The following GSK3B variants were observed in gnomAD, a reference collection of about 807,000 sequenced individuals.
GSK3B encodes glycogen synthase kinase-3 beta.
A neutral mutation model predicts 56.4 loss-of-function variants in GSK3B; 15 were observed. The ratio of observed to expected loss-of-function variants is 0.27; its 90% CI spans 0.18 to 0.41. The LOEUF (loss-of-function observed/expected upper bound fraction) is 0.41. Among genes scored for constraint, GSK3B ranks in the 10% least tolerant of loss-of-function variants. The pLI is 1.00. For missense variants in GSK3B, 300 were observed against 513.4 expected, an observed-to-expected ratio of 0.58 and a Z score of 4.02; for synonymous variants, 181 against 188.9, an observed-to-expected ratio of 0.96 and a Z score of 0.34.
At chr3:119,902,747 GCT>G (rs1247351265) in intron 7 of GSK3B, among the ~76,000 whole-genome samples, 2 of 151,802 alleles carry the variant, frequency 1.3e-5, no homozygotes, top group Non-Finnish European at 2.9e-5. Context: ...ACACAGTCTC[GCT>G]CTGTCACACA....
intron 1 of GSK3B, among the ~76,000 whole-genome samples, chr3:120,058,178 T>C (rs1359060781): frequency 1.3e-5 from 2 of 152,126 alleles, no homozygotes; most frequent in African/African-American, 2.4e-5. Context: ...TAACATTATC[T>C]ACAGACAAAG....
At chr3:120,027,453 T>A (rs964446029) in intron 1 of GSK3B, among the ~76,000 whole-genome samples, 1 of 151,308 alleles carries the variant, frequency 6.6e-6, no homozygotes, top group Non-Finnish European at 1.5e-5. Context: ...TCTAGGAATA[T>A]GGCAAAAGAA....
intron 2 of GSK3B, among the ~76,000 whole-genome samples, chr3:119,996,112 T>C (rs911676350): frequency 4.6e-5 from 7 of 152,252 alleles, no homozygotes; most frequent in African/African-American, 1.7e-4. Flanking sequence ...ATTTTTAAAC[T>C]ACAAAATGCT....
chr3:119,829,628 T>C (rs2055567888), intron 10 of GSK3B, among the ~76,000 whole-genome samples: 1 of 152,270 alleles, frequency 6.6e-6, no homozygotes, highest in South Asian at 2.1e-4. Context: ...TTGGCATTAA[T>C]GTGCAGATGT....
At chr3:119,856,756 A>G (rs748262932) in intron 9 of GSK3B, among the ~76,000 whole-genome samples, 8 of 152,056 alleles carry the variant, frequency 5.3e-5, no homozygotes, top group Non-Finnish European at 1.0e-4. Flanking sequence ...TCTGACATCA[A>G]TTCTATTGAT....
intron 2 of GSK3B, among the ~76,000 whole-genome samples, chr3:119,967,389 T>TA (rs1408674724): frequency 1.3e-4 from 20 of 152,154 alleles, no homozygotes; most frequent in African/African-American, 4.1e-4. Flanking sequence ...TATCTTTTTT[T>TA]TAAAAAAAAG....
intron 7 of GSK3B, among the ~76,000 whole-genome samples, chr3:119,881,382 A>G (rs1346445832): frequency 1.3e-5 from 2 of 152,230 alleles, no homozygotes; most frequent in Non-Finnish European, 2.9e-5. Flanking sequence ...GGATGGGGCA[A>G]AAGTAATTCT....
chr3:119,907,275 G>C (rs991995877), intron 6 of GSK3B, among the ~76,000 whole-genome samples: 2 of 152,066 alleles, frequency 1.3e-5, no homozygotes, highest in African/African-American at 4.8e-5. Context: ...TGAAAAAATT[G>C]TAAGGGAATA....
intron 5 of GSK3B, among the ~76,000 whole-genome samples, chr3:119,913,741 C>A (rs1325272994): frequency 6.6e-6 from 1 of 151,592 alleles, no homozygotes; most frequent in Non-Finnish European, 1.5e-5. Context: ...ACTGGGATTT[C>A]TTTTCTTCCA....
intron 3 of GSK3B, among the ~76,000 whole-genome samples, chr3:119,929,470 A>T (rs556618116): frequency 6.6e-6 from 1 of 152,316 alleles, no homozygotes; most frequent in Non-Finnish European, 1.5e-5. Flanking sequence ...ACTAACAGTT[A>T]AGAATATAAA....
intron 2 of GSK3B, among the ~76,000 whole-genome samples, chr3:119,966,241 T>C (rs942461986): frequency 6.6e-6 from 1 of 152,076 alleles, no homozygotes; most frequent in African/African-American, 2.4e-5. Flanking sequence ...AAAGGTGAGG[T>C]GAAGTAGCTT....
At chr3:119,996,901 C>A (rs1559869107) in intron 2 of GSK3B, among the ~76,000 whole-genome samples, 1 of 151,268 alleles carries the variant, frequency 6.6e-6, no homozygotes, top group East Asian at 1.9e-4. Context: ...AAAATACCTC[C>A]AAAAAAAATC....
intron 1 of GSK3B, among the ~76,000 whole-genome samples, chr3:120,079,029 T>C (rs2058391351): frequency 6.9e-6 from 1 of 145,326 alleles, no homozygotes; most frequent in African/African-American, 2.6e-5. Context: ...CAACCTCTGC[T>C]TTGCCAGGTT....
chr3:119,912,158 A>G (rs2056740571), intron 6 of GSK3B, among the ~76,000 whole-genome samples: 1 of 152,108 alleles, frequency 6.6e-6, no homozygotes, highest in Admixed American at 6.6e-5. Context: ...CCTAATTTCA[A>G]TATTGTTGTC....
At chr3:119,935,518 TC>T (rs1418165183) in intron 3 of GSK3B, among the ~76,000 whole-genome samples, 2 of 152,088 alleles carry the variant, frequency 1.3e-5, no homozygotes, top group Admixed American at 6.5e-5. Context: ...TCCACTACAA[TC>T]CCCACTACCC....
chr3:120,051,657 CTCAGGAGGCTGAGGCACGAGAA>C (rs1453657433), intron 1 of GSK3B, among the ~76,000 whole-genome samples: 1 of 151,654 alleles, frequency 6.6e-6, no homozygotes. Flanking sequence ...ATCCCAGCTA[CTCAGGAGGCTGAGGCACGAGAA>C]TCACTTGAAC....
At chr3:120,032,949 C>T (rs1335328433) in intron 1 of GSK3B, among the ~76,000 whole-genome samples, 1 of 152,146 alleles carries the variant, frequency 6.6e-6, no homozygotes, top group Non-Finnish European at 1.5e-5. Context: ...CTTGTGCAAC[C>T]ATCACCCCAA....
At chr3:119,840,245 A>C (rs1030172463) in intron 10 of GSK3B, among the ~76,000 whole-genome samples, 3 of 146,368 alleles carry the variant, frequency 2.0e-5, no homozygotes, top group Non-Finnish European at 4.5e-5. Flanking sequence ...TTTTTTTGAG[A>C]CAAAGTTTTG....
At chr3:120,012,683 T>A (rs887113052) in intron 1 of GSK3B, among the ~76,000 whole-genome samples, 2 of 151,996 alleles carry the variant, frequency 1.3e-5, no homozygotes, top group Non-Finnish European at 2.9e-5. Context: ...ACAGAATAAT[T>A]TTTTTCTTTT....
Sources: allele counts gnomAD v4.1 joint callset (sites outside exome capture counted in the v4.1 genomes callset), GRCh38; gene constraint gnomAD v4.1.1; transcripts MANE v1.5; gene names NCBI Gene and HGNC (gene_info 2026-07-23, HGNC 2026-07-21).